Variants in CSMD1 observed in about 807,000 individuals in gnomAD.
CSMD1 encodes the protein CUB and sushi domain-containing protein 1.
A neutral mutation model predicts 417.5 loss-of-function variants in CSMD1; 213 were observed. The observed-to-expected ratio is 0.51, with a 90% confidence interval of 0.46 to 0.57. The LOEUF (loss-of-function observed/expected upper bound fraction) is 0.57. Among genes scored for constraint, CSMD1 ranks in the 20% least tolerant of loss-of-function variants. The probability of loss-of-function intolerance (pLI) is 0.00; values close to 1 mark genes in which losing one functional copy is unlikely to be tolerated. For missense variants in CSMD1, 6,923 were observed against 4,529.7 expected, an observed-to-expected ratio of 1.53 and a Z score of -15.17; for synonymous variants, 2,862 against 1,736.8, an observed-to-expected ratio of 1.65 and a Z score of -16.11.
At chr8:3,520,509 T>A (rs74756869) in intron 10 of CSMD1, among the ~76,000 whole-genome samples, 3,089 of 152,276 alleles carry the variant, frequency 0.02, 84 homozygotes, top group South Asian at 0.077. Flanking sequence ...TATTATCTTG[T>A]CAATTTTATA....
intron 2 of CSMD1, among the ~76,000 whole-genome samples, chr8:4,456,323 A>C (rs1799481241): frequency 6.6e-6 from 1 of 152,178 alleles, no homozygotes; most frequent in Non-Finnish European, 1.5e-5. Flanking sequence ...CAGTAATAAA[A>C]AAATTAGTCA....
chr8:4,694,175 T>A (rs1806962902), intron 1 of CSMD1, among the ~76,000 whole-genome samples: 1 of 152,140 alleles, frequency 6.6e-6, no homozygotes, highest in Non-Finnish European at 1.5e-5. Context: ...CTCAAAGCCT[T>A]CCTTCTGCTC....
At chr8:4,858,220 C>G (rs1166912686) in intron 1 of CSMD1, among the ~76,000 whole-genome samples, 2 of 149,652 alleles carry the variant, frequency 1.3e-5, no homozygotes, top group Non-Finnish European at 3.0e-5. Context: ...AACAAACCTT[C>G]ATGCTAAAAA....
At chr8:4,917,863 T>G (rs367893711) in intron 1 of CSMD1, among the ~76,000 whole-genome samples, 1 of 152,090 alleles carries the variant, frequency 6.6e-6, no homozygotes, top group Non-Finnish European at 1.5e-5. Flanking sequence ...ACTGTAACAT[T>G]TGAGATGGGC....
At chr8:4,072,955 AT>A in intron 3 of CSMD1, among the ~76,000 whole-genome samples, 1 of 152,188 alleles carries the variant, frequency 6.6e-6, no homozygotes, top group East Asian at 1.9e-4. Context: ...AGTTTTTAAA[AT>A]TTTGCTCGTG....
At chr8:4,875,229 T>C (rs1802974019) in intron 1 of CSMD1, among the ~76,000 whole-genome samples, 1 of 152,012 alleles carries the variant, frequency 6.6e-6, no homozygotes, top group Non-Finnish European at 1.5e-5. Context: ...AAAATAAGCA[T>C]GAGAATTATA....
At chr8:4,921,874 T>C (rs538797826) in intron 1 of CSMD1, among the ~76,000 whole-genome samples, 67 of 152,326 alleles carry the variant, frequency 4.4e-4, no homozygotes, top group African/African-American at 1.5e-3. Context: ...CAAGAGTGAC[T>C]GTATTCACTC....
intron 3 of CSMD1, among the ~76,000 whole-genome samples, chr8:4,201,635 C>CT (rs1652317630): frequency 6.7e-6 from 1 of 150,118 alleles, no homozygotes; most frequent in African/African-American, 2.5e-5. Context: ...ACAAATAAGC[C>CT]TTTATTTACC....
intron 3 of CSMD1, among the ~76,000 whole-genome samples, chr8:4,227,106 G>A (rs373519419): frequency 2.0e-4 from 31 of 152,312 alleles, no homozygotes; most frequent in South Asian, 4.1e-4. Flanking sequence ...TCTTTTCTGG[G>A]AAGGAAATCG....
chr8:3,733,224 T>C (rs545121782), intron 6 of CSMD1, among the ~76,000 whole-genome samples: 163 of 148,386 alleles, frequency 1.1e-3, no homozygotes, highest in African/African-American at 3.8e-3. Context: ...CTCTCATACA[T>C]ACACATACAT....
intron 49 of CSMD1, among the ~76,000 whole-genome samples, chr8:3,073,594 G>T (rs1318944423): frequency 6.6e-6 from 1 of 152,108 alleles, no homozygotes; most frequent in African/African-American, 2.4e-5. Flanking sequence ...ACAGAAAATA[G>T]AGAGGACTTT....
intron 5 of CSMD1, among the ~76,000 whole-genome samples, chr8:3,832,747 C>G (rs1802449638): frequency 6.6e-6 from 1 of 152,198 alleles, no homozygotes; most frequent in East Asian, 1.9e-4. Context: ...CTTCTGATAA[C>G]TAAAATATGA....
At chr8:3,795,078 T>A (rs1198031031) in intron 5 of CSMD1, among the ~76,000 whole-genome samples, 1 of 148,248 alleles carries the variant, frequency 6.7e-6, no homozygotes, top group Non-Finnish European at 1.5e-5. Context: ...ATCTATCATG[T>A]ACAGCTATAG....
chr8:3,387,814 A>G (rs1563336227), intron 17 of CSMD1, 132 bp from the exon 18 acceptor site: 10 of 722,278 alleles, frequency 1.4e-5, no homozygotes, highest in Non-Finnish European at 2.2e-5. Context: ...TGAACCCAAC[A>G]ATCCATGGAC....
Position 3,385,076 on chromosome 8 carries a change from A to G in CSMD1, c.2782+2418T>C, listed in dbSNP as rs1192765892. Among the ~76,000 whole-genome samples, 29 of 113,492 alleles carry G rather than the reference A, an allele frequency of 2.6e-4. 2 individuals are homozygous for G. Among genetic ancestry groups the G allele is most frequent in the African/African-American group, 9.8e-4 (28 of 28,644 alleles). 74.5% of individuals were successfully genotyped at this position (113,492 alleles called of 152,430 possible). A position where few individuals can be genotyped will look rare whatever the true frequency, so the allele number is the denominator to read the frequency against. On this transcript the variant is annotated intron_variant, in intron 18 of 69. Transcript: ENST00000635120. ...TATAATATATAATATATAAATATAT[A>G]TATAATTTATATATAAAATATATAT...
At chr8:3,561,451 A>G (rs1055342850) in intron 10 of CSMD1, among the ~76,000 whole-genome samples, 5 of 152,260 alleles carry the variant, frequency 3.3e-5, no homozygotes, top group African/African-American at 1.2e-4. Context: ...CCACACAATC[A>G]TAAAATGATA....
At chr8:3,218,200 T>A (rs1797992183) in intron 29 of CSMD1, among the ~76,000 whole-genome samples, 1 of 152,258 alleles carries the variant, frequency 6.6e-6, no homozygotes, top group Non-Finnish European at 1.5e-5. Flanking sequence ...GAAACCTTGC[T>A]AAACCAGCCA....
intron 1 of CSMD1, among the ~76,000 whole-genome samples, chr8:4,708,454 A>G (rs1259373828): frequency 6.6e-6 from 1 of 152,244 alleles, no homozygotes; most frequent in Admixed American, 6.5e-5. Context: ...AAACAAATAT[A>G]GGAACAATGA....
At chr8:3,168,164 A>G (rs979855332) in intron 37 of CSMD1, among the ~76,000 whole-genome samples, 6 of 152,202 alleles carry the variant, frequency 3.9e-5, no homozygotes, top group African/African-American at 1.4e-4. Flanking sequence ...GAGTAGCATG[A>G]AACAGGGTCA....
Sources: allele counts gnomAD v4.1 joint callset (sites outside exome capture counted in the v4.1 genomes callset), GRCh38; gene constraint gnomAD v4.1.1; transcripts MANE v1.5; gene names NCBI Gene and HGNC (gene_info 2026-07-23, HGNC 2026-07-21).